CD96: variants seen among roughly 807,000 people sequenced by gnomAD.
CD96 encodes the protein T-cell surface protein tactile.
CD96 carries 70 observed loss-of-function variants against 71.3 expected under a neutral mutation model. That is an observed-to-expected ratio of 0.98 (90% CI 0.81 to 1.20). The LOEUF (loss-of-function observed/expected upper bound fraction) is 1.20. Ranked by LOEUF, CD96 falls within the 50% of genes most tolerant of loss-of-function variation. The pLI is 0.00. For synonymous variants in CD96, 248 were observed against 233.0 expected (o/e 1.06, Z -0.59); for missense variants, 742 against 677.5 (o/e 1.10, Z -1.06).
intron 6 of CD96, 141 bp from the exon 7 acceptor site, chr3:111,600,585 T>C (rs1014492450): frequency 4.5e-6 from 3 of 660,342 alleles, no homozygotes; most frequent in East Asian, 2.7e-5. Flanking sequence ...TCTGCTGAAA[T>C]TGACTCTCAC....
At chr3:111,627,994 G>A (rs74927098) in intron 10 of CD96, among the ~76,000 whole-genome samples, 1,591 of 151,812 alleles carry the variant, frequency 0.01, 34 homozygotes, top group African/African-American at 0.036. Context: ...CCATCCAAAG[G>A]TCAGCAAACT....
chr3:111,579,259 C>G (rs777027620), intron 4 of CD96, 25 bp downstream of exon 4: 29 of 1,214,182 alleles, frequency 2.4e-5, no homozygotes, highest in Non-Finnish European at 3.4e-5. Context: ...TCTACAGACT[C>G]ACTGGCATCC....
At chr3:111,628,751 G>A (rs1938910899) in intron 10 of CD96, among the ~76,000 whole-genome samples, 2 of 152,116 alleles carry the variant, frequency 1.3e-5, no homozygotes, top group South Asian at 4.1e-4. Flanking sequence ...AAAATGGTAA[G>A]GGCAGGCAGA....
At chr3:111,606,914 G>A in intron 8 of CD96, 122 bp downstream of exon 8, 1 of 728,558 alleles carries the variant, frequency 1.4e-6, no homozygotes, top group South Asian at 1.4e-5. Context: ...GCTGAAATTG[G>A]GTTTTATTTT....
intron 6 of CD96, among the ~76,000 whole-genome samples, chr3:111,600,246 G>A (rs1337939195): frequency 6.6e-6 from 1 of 152,168 alleles, no homozygotes; most frequent in Non-Finnish European, 1.5e-5. Flanking sequence ...AGAGACTACT[G>A]ATATATACAC....
intron 5 of CD96, among the ~76,000 whole-genome samples, chr3:111,590,777 T>C (rs920414365): frequency 1.3e-5 from 2 of 152,130 alleles, no homozygotes; most frequent in Non-Finnish European, 2.9e-5. Flanking sequence ...GCCCCTCAAC[T>C]CACAGCTAAT....
intron 12 of CD96, among the ~76,000 whole-genome samples, chr3:111,642,484 G>C (rs574159075): frequency 1.3e-5 from 2 of 152,126 alleles, no homozygotes; most frequent in Non-Finnish European, 2.9e-5. Flanking sequence ...AAGAAGCAGC[G>C]AGATTGAAAT....
intron 10 of CD96, among the ~76,000 whole-genome samples, chr3:111,625,622 T>C (rs562962443): frequency 1.2e-3 from 190 of 152,134 alleles, no homozygotes; most frequent in South Asian, 3.1e-3. Context: ...CAAAAATAAC[T>C]CTATATAGTT....
rs1940105814 is a variant in CD96 at position 111,652,015 on chromosome 3, C to G, written c.*2209C>G. 1 of 152,188 alleles carries G rather than the reference C, an allele frequency of 6.6e-6. No homozygotes were observed. Among genetic ancestry groups the G allele is most frequent in the African/African-American group, 2.4e-5 (1 of 41,450 alleles). The allele number at this position is 152,188 out of a possible 1,614,324, so 9.4% of individuals were successfully genotyped here. A position where few individuals can be genotyped will look rare whatever the true frequency, so the allele number is the denominator to read the frequency against. On this transcript the variant is annotated 3_prime_UTR_variant, in exon 14 of 14. Coordinates refer to ENST00000352690, the MANE Select transcript of CD96 (RefSeq NM_005816.5). ...ATCTTGGAAGCAGATCCTCCAGCCT[C>G]CAGTCAAGTCTTCAGATAATTGCAA...
chr3:111,544,068 T>C (rs1934253588), intron 1 of CD96, among the ~76,000 whole-genome samples: 1 of 152,206 alleles, frequency 6.6e-6, no homozygotes, highest in Admixed American at 6.5e-5. Context: ...GTTATACTTA[T>C]GAGGGTTATA....
At chr3:111,637,470 AT>A (rs1939384838) in intron 11 of CD96, among the ~76,000 whole-genome samples, 1 of 151,606 alleles carries the variant, frequency 6.6e-6, no homozygotes, top group Admixed American at 6.6e-5. Context: ...TATACATTTT[AT>A]TTCCAAAAAA....
chr3:111,624,383 A>G lies in CD96; in HGVS notation c.1300A>G (p.Ser434Gly), dbSNP rs754602885. Residue 434 changes from serine (S) to glycine (G), a missense_variant, in exon 10 of 14, where the codon AGT becomes GGT. Coordinates refer to ENST00000352690, the MANE Select transcript of CD96 (RefSeq NM_005816.5). Reference sequence around the variant, plus strand: ...AGGCTTCAACTATCCCTGGACCTCCAGTGGGACAGATACCAAAAAATGTTA... The same window carrying G: ...AGGCTTCAACTATCCCTGGACCTCCGGTGGGACAGATACCAAAAAATGTTA... ...TRGFNYPWTSSGTDTKKSVSR... is the reference protein window; with the variant it reads ...TRGFNYPWTSGGTDTKKSVSR... The G allele has an allele frequency of 2.5e-6, 4 of 1,609,724 alleles. No individual in the cohort carries two copies. The South Asian group carries it at 3.3e-5, about 13-fold the overall frequency.
chr3:111,567,009 G>A (rs1012627226), intron 2 of CD96, among the ~76,000 whole-genome samples: 5 of 152,118 alleles, frequency 3.3e-5, no homozygotes, highest in East Asian at 1.9e-4. Context: ...GTGTGGGTTC[G>A]TTAATTGTAA....
chr3:111,579,764 T>A (rs2107586240), intron 4 of CD96, among the ~76,000 whole-genome samples: 1 of 152,210 alleles, frequency 6.6e-6, no homozygotes, highest in Non-Finnish European at 1.5e-5. Flanking sequence ...AATCCATGAA[T>A]GGATTAATCT....
intron 10 of CD96, among the ~76,000 whole-genome samples, chr3:111,633,076 C>A (rs1444260788): frequency 2.0e-5 from 3 of 152,128 alleles, no homozygotes; most frequent in African/African-American, 7.2e-5. Flanking sequence ...TTATTTCTAG[C>A]ATTTGATTTA....
intron 2 of CD96, among the ~76,000 whole-genome samples, chr3:111,559,122 C>T (rs1264564484): frequency 2.3e-4 from 35 of 150,532 alleles, no homozygotes; most frequent in South Asian, 8.5e-4. Context: ...GTCTTGCTAG[C>T]GGTCTATCAA....
At position 111,600,991 on chromosome 3, in the gene CD96, T is replaced by C. The variant is rs534751906; in HGVS notation, c.1087+77T>C. 733 of 912,522 alleles carry C rather than the reference T, an allele frequency of 8.0e-4. 6 individuals carry two copies. The highest frequency in any genetic ancestry group is 3.5e-3 in the South Asian group (253 of 71,702). The allele number at this position is 912,522 out of a possible 1,614,324, so 56.5% of individuals were successfully genotyped here. ...ATTCAAAATATCTTTAATGGGAAGATTATCACTTCCATAACGTTTTAATCT... is the reference window on the plus strand; with the variant it reads ...ATTCAAAATATCTTTAATGGGAAGACTATCACTTCCATAACGTTTTAATCT... On this transcript the variant is annotated intron_variant, in intron 7 of 13. Transcript: ENST00000352690.
intron 12 of CD96, among the ~76,000 whole-genome samples, chr3:111,640,603 A>C (rs1158374299): frequency 6.6e-6 from 1 of 152,238 alleles, no homozygotes; most frequent in Non-Finnish European, 1.5e-5. Flanking sequence ...GCCTCGTGAC[A>C]GCCCTAGATG....
chr3:111,556,490 A>T (rs9799025), intron 2 of CD96, among the ~76,000 whole-genome samples: 96,703 of 107,602 alleles, frequency 0.9, 43,703 homozygotes, highest in East Asian at 0.99. Context: ...TTACTGAGAA[A>T]GATGATTTCC....
Sources: allele counts gnomAD v4.1 joint callset (sites outside exome capture counted in the v4.1 genomes callset), GRCh38; gene constraint gnomAD v4.1.1; transcripts MANE v1.5; gene names NCBI Gene and HGNC (gene_info 2026-07-23, HGNC 2026-07-21).